Variants in CNTN6 observed in about 807,000 individuals in gnomAD.
The protein encoded by CNTN6 is contactin-6.
A neutral mutation model predicts 122.8 loss-of-function variants in CNTN6; 137 were observed. The ratio of observed to expected loss-of-function variants is 1.12; its 90% CI spans 0.97 to 1.29. The LOEUF is 1.29. Ranked by LOEUF, CNTN6 falls within the 50% of genes most tolerant of loss-of-function variation. CNTN6 has a pLI of 0.00. For missense variants in CNTN6, 1,634 were observed against 1,223.4 expected (o/e 1.34, Z -5.01); for synonymous variants, 570 against 426.0 (o/e 1.34, Z -4.16).
At chr3:1,111,622 A>G (rs1048922280) in intron 1 of CNTN6, among the ~76,000 whole-genome samples, 6 of 152,204 alleles carry the variant, frequency 3.9e-5, no homozygotes, top group Non-Finnish European at 7.3e-5. Context: ...ATGTAATTAA[A>G]TATTCTGGTG....
intron 2 of CNTN6, among the ~76,000 whole-genome samples, chr3:1,167,677 G>A (rs2125277939): frequency 6.6e-6 from 1 of 152,254 alleles, no homozygotes; most frequent in East Asian, 1.9e-4. Context: ...AATGAGGGAA[G>A]GGTAAGAAGC....
At position 1,096,233 on chromosome 3, in the gene CNTN6, A is replaced by T. The variant is rs1255754818; in HGVS notation, c.-83+3113A>T. 3.9e-5 allele frequency among the ~76,000 whole-genome samples: 6 copies of T among 152,028 alleles called. No individual in the cohort carries two copies. The East Asian group carries it at 1.2e-3, about 29-fold the overall frequency. On this transcript the variant is annotated intron_variant, in intron 1 of 22. Coordinates refer to ENST00000446702, the MANE Select transcript of CNTN6 (RefSeq NM_001289080.2). ...ATGTGACTTGCTTTTTTTCTGATAA[A>T]TGCCTACATGATTCTTTTGTTGTGT...
intron 2 of CNTN6, among the ~76,000 whole-genome samples, chr3:1,166,713 A>G (rs558105972): frequency 6.6e-6 from 1 of 152,290 alleles, no homozygotes; most frequent in Non-Finnish European, 1.5e-5. Context: ...ATAAAAAAGA[A>G]TGAGTTCATG....
intron 10 of CNTN6, among the ~76,000 whole-genome samples, chr3:1,329,389 G>T (rs1385798896): frequency 2.0e-5 from 3 of 151,398 alleles, no homozygotes; most frequent in Non-Finnish European, 4.4e-5. Flanking sequence ...CCTCTTTGTT[G>T]TAAATGCTAT....
chr3:1,096,398 TTG>T (rs1245531200), intron 1 of CNTN6, among the ~76,000 whole-genome samples: 3 of 152,198 alleles, frequency 2.0e-5, no homozygotes, highest in African/African-American at 7.2e-5. Flanking sequence ...TATTTCTTTT[TTG>T]TCCCTTAACT....
intron 11 of CNTN6, among the ~76,000 whole-genome samples, chr3:1,330,147 T>C (rs1183442538): frequency 6.6e-6 from 1 of 151,946 alleles, no homozygotes; most frequent in Non-Finnish European, 1.5e-5. Context: ...TTAGCTGCAA[T>C]ATTTTCAGTG....
chr3:1,320,445 G>T (rs1448603367), intron 7 of CNTN6, among the ~76,000 whole-genome samples: 12 of 151,722 alleles, frequency 7.9e-5, no homozygotes, highest in Middle Eastern at 3.4e-3. Context: ...GTTGTTTACT[G>T]CTCAAACTCT....
chr3:1,209,107 T>C (rs1214062806), intron 2 of CNTN6, among the ~76,000 whole-genome samples: 1 of 152,178 alleles, frequency 6.6e-6, no homozygotes, highest in Non-Finnish European at 1.5e-5. Context: ...CTTTATGATC[T>C]GCATGCCACT....
intron 2 of CNTN6, among the ~76,000 whole-genome samples, chr3:1,162,437 C>A (rs893942271): frequency 6.6e-6 from 1 of 152,156 alleles, no homozygotes; most frequent in Non-Finnish European, 1.5e-5. Flanking sequence ...AAAAGTCTTA[C>A]AGAGAATCAC....
chr3:1,369,333 C>T (rs1708660829), intron 12 of CNTN6, among the ~76,000 whole-genome samples: 2 of 150,654 alleles, frequency 1.3e-5, no homozygotes, highest in Admixed American at 6.6e-5. Flanking sequence ...CTTTTGTAGA[C>T]GTTCATCTCT....
At chr3:1,201,454 A>T (rs191898039) in intron 2 of CNTN6, among the ~76,000 whole-genome samples, 102 of 142,762 alleles carry the variant, frequency 7.1e-4, no homozygotes, top group Non-Finnish European at 1.2e-3. Flanking sequence ...CCAAGTTACT[A>T]CATATAACAG....
chr3:1,358,153 C>T (rs567482223), intron 12 of CNTN6, among the ~76,000 whole-genome samples: 1 of 151,854 alleles, frequency 6.6e-6, no homozygotes, highest in East Asian at 1.9e-4. Context: ...ACTAGCTATC[C>T]ATCTCCTATT....
chr3:1,222,057 C>G (rs1445606784), intron 3 of CNTN6, among the ~76,000 whole-genome samples: 2 of 152,090 alleles, frequency 1.3e-5, no homozygotes, highest in East Asian at 3.8e-4. Context: ...GCAATTCTAC[C>G]TTATCTTGAA....
At chr3:1,366,981 C>A (rs1002319637) in intron 12 of CNTN6, among the ~76,000 whole-genome samples, 16 of 152,142 alleles carry the variant, frequency 1.1e-4, no homozygotes, top group Admixed American at 8.5e-4. Flanking sequence ...CTGCTTCATA[C>A]TTCCAAAGTT....
chr3:1,225,804 G>A (rs1236704942), intron 3 of CNTN6, among the ~76,000 whole-genome samples: 1 of 150,544 alleles, frequency 6.6e-6, no homozygotes, highest in African/African-American at 2.4e-5. Flanking sequence ...CAAATGAAAT[G>A]TACTCTTTAA....
chr3:1,266,721 CCTCA>C (rs1330065716), intron 4 of CNTN6, among the ~76,000 whole-genome samples: 1 of 152,124 alleles, frequency 6.6e-6, no homozygotes, highest in African/African-American at 2.4e-5. Flanking sequence ...TGACCTCGGG[CCTCA>C]CTCCATTGAA....
intron 4 of CNTN6, among the ~76,000 whole-genome samples, chr3:1,249,311 C>T (rs2094626329): frequency 6.6e-6 from 1 of 152,256 alleles, no homozygotes; most frequent in South Asian, 2.1e-4. Context: ...ATTTATTAAG[C>T]ACCTACCATA....
chr3:1,374,745 T>C (rs1264781577), intron 16 of CNTN6, among the ~76,000 whole-genome samples: 1 of 152,090 alleles, frequency 6.6e-6, no homozygotes. Context: ...TTCGATCACA[T>C]AAACAAAGGA....
At chr3:1,105,468 A>G (rs1351326897) in intron 1 of CNTN6, among the ~76,000 whole-genome samples, 2 of 152,166 alleles carry the variant, frequency 1.3e-5, no homozygotes, top group Non-Finnish European at 2.9e-5. Flanking sequence ...AACTTATTAC[A>G]TTTTAAGTGT....
Sources: allele counts gnomAD v4.1 joint callset (sites outside exome capture counted in the v4.1 genomes callset), GRCh38; gene constraint gnomAD v4.1.1; transcripts MANE v1.5; gene names NCBI Gene and HGNC (gene_info 2026-07-23, HGNC 2026-07-21).